The following B3GAT1 variants were observed in gnomAD, a reference collection of about 807,000 sequenced individuals.
B3GAT1 encodes galactosylgalactosylxylosylprotein 3-beta-glucuronosyltransferase 1.
A neutral mutation model predicts 28.4 loss-of-function variants in B3GAT1; 11 were observed. That is an observed-to-expected ratio of 0.39 (90% CI 0.24 to 0.64). The LOEUF (loss-of-function observed/expected upper bound fraction) is 0.64. B3GAT1 is among the 30% of genes least tolerant of loss of function. The pLI is 0.50. For synonymous variants in B3GAT1, 255 were observed against 223.1 expected (o/e 1.14, Z -1.27); for missense variants, 375 against 491.0 (o/e 0.76, Z 2.23).
At chr11:134,394,491 GGGC>G (rs1265273752) in intron 1 of B3GAT1, among the ~76,000 whole-genome samples, 1 of 152,128 alleles carries the variant, frequency 6.6e-6, no homozygotes, top group African/African-American at 2.4e-5. Context: ...CCCACCCACT[GGGC>G]AACCCTGCTC....
intron 1 of B3GAT1, among the ~76,000 whole-genome samples, chr11:134,401,975 G>GT (rs1565458368): frequency 8.1e-6 from 1 of 123,640 alleles, no homozygotes; most frequent in Non-Finnish European, 1.8e-5. Context: ...TGGGGCGGGG[G>GT]GGGGCGGGCA....
rs1308316862 is a variant in B3GAT1 at position 134,412,170 on chromosome 11, C to A, written c.-645G>T. ...CGAGAGGGGCGAGGGGGGCGCGCGGCCGGAGCCGAGCCGACCGGGCCGGCG... is the reference window on the plus strand; with the variant it reads ...CGAGAGGGGCGAGGGGGGCGCGCGGACGGAGCCGAGCCGACCGGGCCGGCG... On this transcript the variant is annotated 5_prime_UTR_variant, in exon 1 of 6. Transcript: ENST00000312527. Among the ~76,000 whole-genome samples the A allele has an allele frequency of 7.0e-6, 1 of 142,496 alleles. No homozygotes were observed. Among genetic ancestry groups the A allele is most frequent in the East Asian group, 2.1e-4 (1 of 4,668 alleles). The allele number at this position is 142,496 out of a possible 152,430, so 93.5% of individuals were successfully genotyped here.
rs186663798 is a variant in B3GAT1, at chr11:134,405,101, G to A, written c.-282+6706C>T. On this transcript the variant is annotated intron_variant, in intron 1 of 5. Transcript: ENST00000312527. The stretch of plus-strand genomic sequence containing the variant: ...TGGGGCAGGCAAGCAGGGCTGGGGG[G>A]GTGACGATATTGTTGATATGCACCT... Among the ~76,000 whole-genome samples the A allele has an allele frequency of 4.4e-3, 669 of 152,286 alleles. 5 individuals are homozygous for A. Among genetic ancestry groups the A allele is most frequent in the Non-Finnish European group, 8.0e-3 (546 of 68,010 alleles).
chr11:134,381,497 C>T (rs770204413), intron 5 of B3GAT1: 11 of 176,536 alleles, frequency 6.2e-5, no homozygotes, highest in Non-Finnish European at 1.3e-4. Context: ...CTCACTATGA[C>T]AGCCGTGGGC....
chr11:134,399,166 C>T (rs558917442), intron 1 of B3GAT1, among the ~76,000 whole-genome samples: 1 of 152,348 alleles, frequency 6.6e-6, no homozygotes, highest in South Asian at 2.1e-4. Flanking sequence ...GGTTTCCCCA[C>T]ATCCCTACCC....
At chr11:134,397,330 C>T (rs1477117856) in intron 1 of B3GAT1, among the ~76,000 whole-genome samples, 1 of 152,200 alleles carries the variant, frequency 6.6e-6, no homozygotes, top group Non-Finnish European at 1.5e-5. Flanking sequence ...CTGCAACGTA[C>T]CCAGCCTGGC....
chr11:134,383,650 C>A, intron 3 of B3GAT1, 30 bp downstream of exon 3: 8 of 1,512,076 alleles, frequency 5.3e-6, no homozygotes, highest in Non-Finnish European at 7.1e-6. Flanking sequence ...AGCCGGAGGT[C>A]CCGCTGCTCA....
chr11:134,405,338 A>G (rs1027109880), intron 1 of B3GAT1, among the ~76,000 whole-genome samples: 1 of 152,196 alleles, frequency 6.6e-6, no homozygotes, highest in Non-Finnish European at 1.5e-5. Flanking sequence ...GGCACCGGGC[A>G]GCCCCAAACC....
At chr11:134,383,456 A>G (rs1944183630) in intron 3 of B3GAT1, among the ~76,000 whole-genome samples, 1 of 152,120 alleles carries the variant, frequency 6.6e-6, no homozygotes, top group South Asian at 2.1e-4. Context: ...GGCCAGGAAT[A>G]TGGTTTAGGG....
At chr11:134,389,620 G>C (rs1415466480) in intron 1 of B3GAT1, 2 of 152,622 alleles carry the variant, frequency 1.3e-5, no homozygotes, top group Non-Finnish European at 2.9e-5. Flanking sequence ...GACCCGTGGG[G>C]GTGGTGGGGA....
At chr11:134,381,901 GC>G in intron 5 of B3GAT1, 22 bp downstream of exon 5, 1 of 1,587,146 alleles carries the variant, frequency 6.3e-7, no homozygotes. Flanking sequence ...CCAGTGTGTG[GC>G]CCACCCTCGT....
chr11:134,410,949 G>C (rs961578695), intron 1 of B3GAT1, among the ~76,000 whole-genome samples: 3 of 152,364 alleles, frequency 2.0e-5, no homozygotes, highest in Admixed American at 2.0e-4. Context: ...TGTATGTCCA[G>C]AGTCCTTCAG....
At chr11:134,382,137 G>T (rs146954032) in intron 4 of B3GAT1, 113 bp from the exon 5 acceptor site, 6 of 826,676 alleles carry the variant, frequency 7.3e-6, no homozygotes, top group Non-Finnish European at 1.2e-5. Context: ...CTTTTCCTTC[G>T]AGAGTTTTTC....
chr11:134,396,037 C>T (rs1462061327), intron 1 of B3GAT1, among the ~76,000 whole-genome samples: 2 of 152,186 alleles, frequency 1.3e-5, no homozygotes, highest in Non-Finnish European at 2.9e-5. Context: ...ATCCTTGCCA[C>T]ATCGGTTTCT....
chr11:134,396,886 C>T (rs935365539), intron 1 of B3GAT1, among the ~76,000 whole-genome samples: 39 of 152,288 alleles, frequency 2.6e-4, no homozygotes, highest in African/African-American at 8.9e-4. Flanking sequence ...AACACCAGCA[C>T]GAGGCCCCTG....
rs926640881 is a variant in B3GAT1, at chr11:134,380,154, A to T, written c.*608T>A. The T allele has an allele frequency of 6.6e-6, 1 of 152,324 alleles. No homozygotes were observed. The highest frequency in any genetic ancestry group is 6.5e-5 in the Admixed American group (1 of 15,288). 9.4% of individuals were successfully genotyped at this position (152,324 alleles called of 1,614,324 possible). ...CTGGGTGCCTGTTGGGATCCAAGAC[A>T]GCCTTATGCTCTGTAAACGTGAACC... On this transcript the variant is annotated 3_prime_UTR_variant, in exon 6 of 6. Transcript: ENST00000312527.
intron 1 of B3GAT1, among the ~76,000 whole-genome samples, chr11:134,395,371 CAG>C (rs1437774765): frequency 1.3e-5 from 2 of 151,972 alleles, no homozygotes; most frequent in African/African-American, 4.8e-5. Context: ...TGGAAGACCC[CAG>C]AGAGGAGCCA....
chr11:134,411,235 G>A lies in B3GAT1; in HGVS notation c.-282+572C>T, dbSNP rs530130697. ...ACCTGAGCCCAGGTGCAGATGGGAG[G>A]GTGGTGAACTGGTCGCGCCTCCTTC... On this transcript the variant is annotated intron_variant, in intron 1 of 5. Transcript: ENST00000312527. This position sits in a 1 kb window ranked among gnomAD's most constrained non-coding sequence, Gnocchi z 6.0. Among the ~76,000 whole-genome samples, 42 of 152,282 alleles carry A rather than the reference G, an allele frequency of 2.8e-4. No individual in the cohort carries two copies. The highest frequency in any genetic ancestry group is 7.8e-4 in the Admixed American group (12 of 15,298).
rs1312559523 is a variant in B3GAT1 at position 134,393,829 on chromosome 11, A to T, written c.-281-5889T>A. On this transcript the variant is annotated intron_variant, in intron 1 of 5. Coordinates refer to ENST00000312527, the MANE Select transcript of B3GAT1 (RefSeq NM_054025.3). This position sits in a 1 kb window ranked among gnomAD's most constrained non-coding sequence, Gnocchi z 4.0. Reference sequence around the variant, plus strand: ...AGGACACCAACCTGCTGGTTAAGACAGCTGCTGTTCATATCATCTCTGTCA... The same window carrying T: ...AGGACACCAACCTGCTGGTTAAGACTGCTGCTGTTCATATCATCTCTGTCA... 6.6e-6 allele frequency among the ~76,000 whole-genome samples: 1 copy of T among 152,164 alleles called. No individual in the cohort carries two copies. Among genetic ancestry groups the T allele is most frequent in the Non-Finnish European group, 1.5e-5 (1 of 68,028 alleles).
Sources: allele counts gnomAD v4.1 joint callset (sites outside exome capture counted in the v4.1 genomes callset), GRCh38; gene constraint gnomAD v4.1.1; non-coding constraint Gnocchi (gnomAD v3.1); transcripts MANE v1.5; gene names NCBI Gene and HGNC (gene_info 2026-07-23, HGNC 2026-07-21).